The following DKC1 variants were observed in gnomAD, a reference collection of about 807,000 sequenced individuals.
DKC1 encodes H/ACA ribonucleoprotein complex subunit DKC1.
DKC1 carries 4 observed loss-of-function variants against 46.7 expected under a neutral mutation model. The ratio of observed to expected loss-of-function variants is 0.09; its 90% CI spans 0.04 to 0.20. The LOEUF is 0.20. DKC1 is among the 10% of genes least tolerant of loss of function. The pLI, the probability that DKC1 is intolerant of heterozygous loss-of-function variation, is 1.00. For missense variants in DKC1, 171 were observed against 404.2 expected (o/e 0.42, Z 4.95); for synonymous variants, 141 against 142.4 (o/e 0.99, Z 0.07).
chrX:154,776,421 G>C, intron 14 of DKC1, 97 bp downstream of exon 14: 2 of 1,097,023 alleles, frequency 1.8e-6, no homozygotes. Context: ...CTTCTTGGAG[G>C]AGCTGTGGCC....
intron 11 of DKC1, among the ~76,000 whole-genome samples, chrX:154,773,774 A>G (rs2071856244): frequency 8.9e-6 from 1 of 112,253 alleles, no homozygotes; most frequent in African/African-American, 3.3e-5. Context: ...TATTCCACAA[A>G]ACCGCCATTG....
At chrX:154,768,269 G>T (rs781984888) in intron 7 of DKC1, 33 bp from the exon 8 acceptor site, 1 of 1,210,248 alleles carries the variant, frequency 8.3e-7, no homozygotes, top group Non-Finnish European at 1.1e-6. Context: ...TTTACAGTAG[G>T]TGCTGCTTTT....
At chrX:154,769,114 A>G (rs893004318) in intron 8 of DKC1, 53 bp from the exon 9 acceptor site, 233 of 1,152,181 alleles carry the variant, frequency 2.0e-4, no homozygotes, top group Non-Finnish European at 2.6e-4. Flanking sequence ...TTGGGGTCTG[A>G]TGGGCTGAGA....
rs1557264647 is a variant in DKC1, at chrX:154,769,244, G to A, written c.849G>A (p.Arg283=). The A allele has an allele frequency of 1.7e-6, 2 of 1,211,458 alleles. No individual in the cohort carries two copies. The highest frequency in any genetic ancestry group is 3.0e-5 in the East Asian group (1 of 33,865). The change falls in exon 9 of 15, where the codon CGG becomes CGA. Residue 283 remains arginine (R), a synonymous_variant. Coordinates refer to ENST00000369550, the MANE Select transcript of DKC1 (RefSeq NM_001363.5). ...YDNHKDESYL[R]RVVYPLEKLL... is the part of the protein sequence containing the mutation. ...ACCACAAGGATGAGAGTTACCTGCG[G>A]CGAGTTGTTTACCCTTTGGAAAAGC...
At chrX:154,768,554 G>A (rs782133072) in intron 8 of DKC1, 122 bp downstream of exon 8, 2 of 937,752 alleles carry the variant, frequency 2.1e-6, no homozygotes, top group Non-Finnish European at 3.1e-6. Context: ...TCAGTCCAGG[G>A]CAGCTTCCCT....
Position 154,769,158 on chromosome X carries a change from G to C in DKC1, c.772-9G>C, listed in dbSNP as rs782429731. ...AACTGAATTATTTTCATACATGGCT[G>C]CTTTTCAGGACCACATGGTGACAAT... On this transcript the variant is annotated splice_polypyrimidine_tract_variant and intron_variant, in intron 8 of 14. Transcript: ENST00000369550. 6 of 1,208,800 alleles carry C rather than the reference G, an allele frequency of 5.0e-6. No homozygotes were observed. Among genetic ancestry groups the C allele is most frequent in the Non-Finnish European group, 5.6e-6 (5 of 894,480 alleles).
At position 154,768,993 on chromosome X, in the gene DKC1, C is replaced by CAA. The variant is rs1158256142; in HGVS notation, c.772-149_772-148dup. 3.4e-3 allele frequency among the ~76,000 whole-genome samples: 56 copies of CAA among 16,270 alleles called. 3 individuals are homozygous for CAA. The highest frequency in any genetic ancestry group is 5.6e-3 in the African/African-American group (36 of 6,437). The allele number at this position is 16,270 out of a possible 115,157, so 14.1% of individuals were successfully genotyped here. On this transcript the variant is annotated intron_variant, in intron 8 of 14. Coordinates refer to ENST00000369550, the MANE Select transcript of DKC1 (RefSeq NM_001363.5). ...TGGGCGACAGAGCGAGACTCCGTCTCAAAAAAAAAAAAAAAAAAAAAAAAA... is the reference window on the plus strand; with the variant it reads ...TGGGCGACAGAGCGAGACTCCGTCTCAAAAAAAAAAAAAAAAAAAAAAAAAAA...
intron 10 of DKC1, among the ~76,000 whole-genome samples, chrX:154,771,294 G>A (rs1174231166): frequency 9.7e-6 from 1 of 103,460 alleles, no homozygotes; most frequent in Non-Finnish European, 2.0e-5. Flanking sequence ...AGGTTCAAGC[G>A]ATTCTCGTGC....
At chrX:154,763,819 GAC>G (rs2071711239) in intron 1 of DKC1, among the ~76,000 whole-genome samples, 1 of 111,712 alleles carries the variant, frequency 9.0e-6, no homozygotes, top group African/African-American at 3.3e-5. Flanking sequence ...AGGCAGTTGG[GAC>G]ACAGCGTCGA....
intron 10 of DKC1, 75 bp downstream of exon 10, chrX:154,770,954 A>G (rs1225990117): frequency 9.3e-7 from 1 of 1,071,836 alleles, no homozygotes; most frequent in Non-Finnish European, 1.3e-6. Context: ...TATGGGGTTC[A>G]TGAGATGTTT....
chrX:154,768,096 C>T (rs2071773519), intron 7 of DKC1: 2 of 447,535 alleles, frequency 4.5e-6, no homozygotes, highest in Admixed American at 3.2e-5. Flanking sequence ...GTGATCCACC[C>T]GCCTCTGCCT....
Position 154,769,132 on chromosome X carries a change from A to T in DKC1, c.772-35A>T, listed in dbSNP as rs376014717. On this transcript the variant is annotated intron_variant, in intron 8 of 14. Coordinates refer to ENST00000369550, the MANE Select transcript of DKC1 (RefSeq NM_001363.5). ...GGGTCTGATGGGCTGAGATACAAAT[A>T]AACTGAATTATTTTCATACATGGCT... 62 of 1,205,942 alleles carry T rather than the reference A, an allele frequency of 5.1e-5. 2 individuals carry two copies. Among genetic ancestry groups the T allele is most frequent in the Admixed American group, 4.6e-4 (21 of 45,732 alleles).
Position 154,776,918 on chromosome X carries a change from TGTTATA to T in DKC1, c.*53_*58del. The T allele has an allele frequency of 9.7e-7, 1 of 1,030,477 alleles. No homozygotes were observed. Among genetic ancestry groups the T allele is most frequent in the African/African-American group, 1.9e-5 (1 of 53,953 alleles). 84.9% of individuals were successfully genotyped at this position (1,030,477 alleles called of 1,213,427 possible). On this transcript the variant is annotated 3_prime_UTR_variant, in exon 15 of 15. Coordinates refer to ENST00000369550, the MANE Select transcript of DKC1 (RefSeq NM_001363.5). Reference sequence around the variant, plus strand: ...AAACTAAAGCCTTATTGAGAAAACATGTTATAGATCCTTTTGTTGCTGAGAGAGTGG... The same window carrying T: ...AAACTAAAGCCTTATTGAGAAAACATGATCCTTTTGTTGCTGAGAGAGTGG...
rs148028033 is a variant in DKC1 at position 154,769,702 on chromosome X, G to A, written c.915+392G>A. On this transcript the variant is annotated intron_variant, in intron 9 of 14. Coordinates refer to ENST00000369550, the MANE Select transcript of DKC1 (RefSeq NM_001363.5). ...AAATTTCTGGATATTTAAAATGTTTGTAGTTGGTAATTATTTATATTCAAA... is the reference window on the plus strand; with the variant it reads ...AAATTTCTGGATATTTAAAATGTTTATAGTTGGTAATTATTTATATTCAAA... Among the ~76,000 whole-genome samples, 104 of 112,526 alleles carry A rather than the reference G, an allele frequency of 9.2e-4. 1 individual carries two copies. The East Asian group carries it at 0.026, about 28-fold the overall frequency.
chrX:154,777,051 T>G lies in DKC1; in HGVS notation c.*184T>G. 1 of 382,860 alleles carries G rather than the reference T, an allele frequency of 2.6e-6. No individual in the cohort carries two copies. Among genetic ancestry groups the G allele is most frequent in the Non-Finnish European group, 4.7e-6 (1 of 213,553 alleles). 31.6% of individuals were successfully genotyped at this position (382,860 alleles called of 1,213,427 possible). On this transcript the variant is annotated 3_prime_UTR_variant, in exon 15 of 15. Coordinates refer to ENST00000369550, the MANE Select transcript of DKC1 (RefSeq NM_001363.5). ...TGTGGTCATCCCATCTTGTCCTGTT[T>G]TAAGGATATGGGTGGTGAAAGATGA...
At chrX:154,774,179 A>G (rs1203919500) in intron 11 of DKC1, among the ~76,000 whole-genome samples, 1 of 111,968 alleles carries the variant, frequency 8.9e-6, no homozygotes, top group Non-Finnish European at 1.9e-5. Flanking sequence ...CATGCACGTT[A>G]GTGGCTACCA....
intron 2 of DKC1, 41 bp from the exon 3 acceptor site, chrX:154,765,403 G>T: frequency 9.5e-7 from 1 of 1,051,039 alleles, no homozygotes; most frequent in African/African-American, 1.8e-5. Context: ...GTTCAAAATC[G>T]GGTGGGAAGT....
intron 4 of DKC1, 73 bp from the exon 5 acceptor site, chrX:154,766,143 A>G: frequency 2.7e-6 from 3 of 1,111,987 alleles, no homozygotes; most frequent in Non-Finnish European, 2.5e-6. Context: ...TTTCTTTTTA[A>G]CTTTTCAGAT....
intron 13 of DKC1, among the ~76,000 whole-genome samples, chrX:154,775,713 G>T (rs2071887470): frequency 8.9e-6 from 1 of 112,302 alleles, no homozygotes; most frequent in Non-Finnish European, 1.9e-5. Context: ...GCACCACCCA[G>T]TGTTGAAAGA....
Sources: gnomAD v4.1 joint callset for allele counts (sites outside exome capture counted in the v4.1 genomes callset) on GRCh38, gnomAD v4.1.1 for gene constraint, MANE v1.5 for transcripts, NCBI Gene and HGNC (gene_info 2026-07-23, HGNC 2026-07-21) for gene names.